Variants in IL1RAP observed in about 807,000 individuals in gnomAD.
IL1RAP encodes the protein interleukin-1 receptor accessory protein.
A neutral mutation model predicts 60.7 loss-of-function variants in IL1RAP; 35 were observed. The observed-to-expected ratio is 0.58, with a 90% CI of 0.44 to 0.76. The LOEUF (loss-of-function observed/expected upper bound fraction) is 0.76. Ranked by LOEUF, IL1RAP falls within the 30% of genes least tolerant of loss-of-function variation. The pLI is 0.00. For synonymous variants in IL1RAP, 268 were observed against 250.9 expected, an observed-to-expected ratio of 1.07 and a Z score of -0.64; for missense variants, 572 against 693.9, an observed-to-expected ratio of 0.82 and a Z score of 1.97.
chr3:190,542,839 A>G (rs1256623313), intron 1 of IL1RAP, among the ~76,000 whole-genome samples: 1 of 150,366 alleles, frequency 6.7e-6, no homozygotes, highest in East Asian at 2.0e-4. Context: ...AGAAATGGCC[A>G]TTCGAGTTAT....
intron 9 of IL1RAP, among the ~76,000 whole-genome samples, chr3:190,638,708 T>C (rs1733417122): frequency 6.6e-6 from 1 of 152,192 alleles, no homozygotes; most frequent in Non-Finnish European, 1.5e-5. Flanking sequence ...CACCTTTGTT[T>C]AGGCCTATAG....
chr3:190,624,521 C>A (rs868372231), intron 7 of IL1RAP: 6 of 152,112 alleles, frequency 3.9e-5, no homozygotes, highest in African/African-American at 1.4e-4. Flanking sequence ...TTGACTCTGA[C>A]AGCTTTCACA....
chr3:190,579,146 A>G (rs1035347), intron 3 of IL1RAP, among the ~76,000 whole-genome samples: 56,744 of 152,076 alleles, frequency 0.37, 10,903 homozygotes, highest in East Asian at 0.51. Context: ...GTACTACAGA[A>G]CATAGTAAGC....
At chr3:190,556,853 A>C (rs1291778416) in intron 2 of IL1RAP, among the ~76,000 whole-genome samples, 1 of 152,216 alleles carries the variant, frequency 6.6e-6, no homozygotes, top group East Asian at 1.9e-4. Flanking sequence ...AGAGTTGATG[A>C]TAAACAGCAT....
At chr3:190,583,901 T>G (rs1460060407) in intron 3 of IL1RAP, among the ~76,000 whole-genome samples, 1 of 152,190 alleles carries the variant, frequency 6.6e-6, no homozygotes, top group East Asian at 1.9e-4. Flanking sequence ...TTTTATTCAC[T>G]CTTATTTACA....
chr3:190,589,299 C>T lies in IL1RAP; in HGVS notation c.65-14829C>T, dbSNP rs576658799. Among the ~76,000 whole-genome samples the T allele has an allele frequency of 1.3e-5, 2 of 152,300 alleles. 1 individual carries two copies. The highest frequency in any genetic ancestry group is 4.1e-4 in the South Asian group (2 of 4,828). Reference sequence around the variant, plus strand: ...CAGCACCCCCACCTCTTGAATTCTTCCTGTCACCCCATCATATTCACTGCC... The same window carrying T: ...CAGCACCCCCACCTCTTGAATTCTTTCTGTCACCCCATCATATTCACTGCC... On this transcript the variant is annotated intron_variant, in intron 3 of 11. Transcript: ENST00000447382.
downstream of IL1RAP, among the ~76,000 whole-genome samples, chr3:190,652,682 C>A (rs1158736699): frequency 1.3e-5 from 2 of 152,144 alleles, no homozygotes; most frequent in African/African-American, 4.8e-5. Context: ...AATTCACTAT[C>A]TTTGGAAATA....
intron 3 of IL1RAP, among the ~76,000 whole-genome samples, chr3:190,585,504 A>G (rs59402396): frequency 0.035 from 5,382 of 152,152 alleles, 307 homozygotes; most frequent in African/African-American, 0.12. Flanking sequence ...TTCTGCTCAT[A>G]CTAATCATTA....
intron 3 of IL1RAP, among the ~76,000 whole-genome samples, chr3:190,593,029 C>T (rs1033026044): frequency 2.0e-5 from 3 of 152,044 alleles, no homozygotes; most frequent in African/African-American, 7.2e-5. Flanking sequence ...GGAGCAAACT[C>T]TAATGAAACT....
chr3:190,520,871 C>T (rs906531536), intron 1 of IL1RAP, among the ~76,000 whole-genome samples: 7 of 152,136 alleles, frequency 4.6e-5, no homozygotes, highest in African/African-American at 1.7e-4. Flanking sequence ...TGGAAATGTT[C>T]CTTTCGTTGA....
At chr3:190,566,291 A>G (rs1471601792) in intron 3 of IL1RAP, among the ~76,000 whole-genome samples, 1 of 152,088 alleles carries the variant, frequency 6.6e-6, no homozygotes, top group Non-Finnish European at 1.5e-5. Context: ...TTTATAATGG[A>G]ACGTGTTTGG....
intron 3 of IL1RAP, among the ~76,000 whole-genome samples, chr3:190,593,675 T>C (rs1239286173): frequency 6.6e-6 from 1 of 152,046 alleles, no homozygotes; most frequent in Non-Finnish European, 1.5e-5. Flanking sequence ...TCGTGAGACG[T>C]ATTCATATTA....
chr3:190,591,704 CTAA>C (rs1728954268), intron 3 of IL1RAP, among the ~76,000 whole-genome samples: 1 of 151,974 alleles, frequency 6.6e-6, no homozygotes, highest in South Asian at 2.1e-4. Context: ...TAAATATTAT[CTAA>C]TAATAAGAAT....
In IL1RAP at chr3:190,527,373, A is replaced by G. The variant is rs187296818; in HGVS notation, c.-89+13154A>G. Among the ~76,000 whole-genome samples the G allele has an allele frequency of 1.6e-3, 246 of 152,360 alleles. 3 individuals are homozygous for G. Among genetic ancestry groups the G allele is most frequent in the African/African-American group, 5.6e-3 (232 of 41,588 alleles). ...AAAAATAAAAAGTGACATGCTTGAC[A>G]TGCTTGCCTCTACGTGTGTTTTGCA... On this transcript the variant is annotated intron_variant, in intron 1 of 11. Coordinates refer to ENST00000447382, the MANE Select transcript of IL1RAP (RefSeq NM_002182.4).
chr3:190,645,354 T>A (rs1203333903), intron 10 of IL1RAP, among the ~76,000 whole-genome samples: 2 of 152,236 alleles, frequency 1.3e-5, no homozygotes, highest in Non-Finnish European at 2.9e-5. Context: ...AAGATATTAA[T>A]GAGTGATAGG....
chr3:190,535,097 T>C (rs1235081975), intron 1 of IL1RAP, among the ~76,000 whole-genome samples: 1 of 152,100 alleles, frequency 6.6e-6, no homozygotes, highest in African/African-American at 2.4e-5. Context: ...CTAAGTTCTA[T>C]TTGCTAAGAG....
chr3:190,602,399 TAAAATG>T (rs1010814474), intron 3 of IL1RAP, among the ~76,000 whole-genome samples: 16 of 152,274 alleles, frequency 1.1e-4, no homozygotes, highest in African/African-American at 3.6e-4. Context: ...TAATTACTTA[TAAAATG>T]AAAACATATT....
In IL1RAP at chr3:190,614,837, T is replaced by C. The variant is rs201882753; in HGVS notation, c.538-5438T>C. ...GTGGTCCAGCCTTTACTTTTGGAGC[T>C]TAGGACATTTTGGAAGGGCAGGGTG... On this transcript the variant is annotated intron_variant, in intron 5 of 11. Coordinates refer to ENST00000447382, the MANE Select transcript of IL1RAP (RefSeq NM_002182.4). Among the ~76,000 whole-genome samples the C allele has an allele frequency of 8.5e-5, 13 of 152,096 alleles. No homozygotes were observed. The East Asian group carries it at 2.3e-3, about 27-fold the overall frequency.
At position 190,620,265 on chromosome 3, in the gene IL1RAP, C is replaced by A. The variant is rs775140977; in HGVS notation, c.538-10C>A. On this transcript the variant is annotated splice_polypyrimidine_tract_variant and intron_variant, in intron 5 of 11. Transcript: ENST00000447382. ...AAAAAGTAAACTTTTTTTTTTTTTA[C>A]TTTTTCTAGGGCTGTTATAAAATAC... The A allele has an allele frequency of 2.4e-4, 277 of 1,150,382 alleles. No individual in the cohort carries two copies. The highest frequency in any genetic ancestry group is 2.9e-4 in the Non-Finnish European group (249 of 847,186). The allele number at this position is 1,150,382 out of a possible 1,614,324, so 71.3% of individuals were successfully genotyped here.
Sources: gnomAD v4.1 joint callset for allele counts (sites outside exome capture counted in the v4.1 genomes callset) on GRCh38, gnomAD v4.1.1 for gene constraint, MANE v1.5 for transcripts, NCBI Gene and HGNC (gene_info 2026-07-23, HGNC 2026-07-21) for gene names.